Variants in LRRC27 observed in about 807,000 individuals in gnomAD.
The protein encoded by LRRC27 is leucine-rich repeat-containing protein 27.
A neutral mutation model predicts 55.0 loss-of-function variants in LRRC27; 57 were observed. The ratio of observed to expected loss-of-function variants is 1.04; its 90% CI spans 0.84 to 1.29. The LOEUF (loss-of-function observed/expected upper bound fraction) is 1.29, where lower values mean the gene tolerates loss of function less well. LRRC27 is among the 50% of genes most tolerant of loss of function. The pLI is 0.00. For synonymous variants in LRRC27, 278 were observed against 251.9 expected, an observed-to-expected ratio of 1.10 and a Z score of -0.98; for missense variants, 721 against 651.5, an observed-to-expected ratio of 1.11 and a Z score of -1.16.
chr10:132,344,790 T>C (rs1430942007), intron 5 of LRRC27, 140 bp downstream of exon 5: 2 of 831,912 alleles, frequency 2.4e-6, no homozygotes, highest in Non-Finnish European at 3.6e-6. Flanking sequence ...TGACACAGTG[T>C]ACACTGATCT....
At chr10:132,331,837 C>A (rs964298909), upstream of LRRC27, 1 of 1,495,940 alleles carries the variant, frequency 6.7e-7, no homozygotes, top group Non-Finnish European at 9.0e-7. Context: ...GCCGCGGGCG[C>A]GGAAAAACGG....
intron 8 of LRRC27, among the ~76,000 whole-genome samples, chr10:132,360,883 C>T (rs988083676): frequency 6.6e-6 from 1 of 152,230 alleles, no homozygotes; most frequent in African/African-American, 2.4e-5. Context: ...GGCACCCGCA[C>T]AGGCCCAAAG....
At chr10:132,373,371 G>A (rs2069260788) in intron 10 of LRRC27, among the ~76,000 whole-genome samples, 2 of 152,114 alleles carry the variant, frequency 1.3e-5, no homozygotes, top group South Asian at 2.1e-4. Context: ...AGGAACCAAC[G>A]TGCTTCCTGC....
intron 7 of LRRC27, among the ~76,000 whole-genome samples, chr10:132,352,047 C>CAGG (rs2068045950): frequency 7.0e-5 from 9 of 129,436 alleles, no homozygotes; most frequent in Admixed American, 2.2e-4. Flanking sequence ...GGGGCAGGCG[C>CAGG]TGAGGCCTCC....
Position 132,381,001 on chromosome 10 carries a change from A to G in LRRC27, c.*5759A>G, listed in dbSNP as rs2069404460. On this transcript the variant is annotated 3_prime_UTR_variant, in exon 11 of 11. Transcript: ENST00000368614. The stretch of plus-strand genomic sequence containing the variant: ...TTGGGAATGCAGCTTTTATGTGGGT[A>G]TAGGATTGCTGTGTGTGATGGTTCA... 1.3e-5 allele frequency among the ~76,000 whole-genome samples: 2 copies of G among 152,218 alleles called. No individual in the cohort carries two copies. The highest frequency in any genetic ancestry group is 4.8e-5 in the African/African-American group (2 of 41,460).
At position 132,333,568 on chromosome 10, in the gene LRRC27, C is replaced by A; in HGVS notation, c.44C>A (p.Ala15Asp). The part of the protein sequence containing the change: ...SSYEVPSVAA[A>D]DLEEGAGQTR... Reference sequence around the variant, plus strand: ...TACGAAGTTCCCTCTGTGGCTGCTGCTGATCTGGAGGAGGGTGCTGGTCAG... The same window carrying A: ...TACGAAGTTCCCTCTGTGGCTGCTGATGATCTGGAGGAGGGTGCTGGTCAG... Residue 15 changes from alanine (A) to aspartate (D), a missense_variant, in exon 2 of 11, where the codon GCT (alanine) becomes GAT (aspartate). Physicochemically the swap from Ala to Asp is moderately radical, Grantham distance 126 (BLOSUM62 -2). Transcript: ENST00000368614. 6.2e-7 allele frequency: 1 copy of A among 1,610,866 alleles called. No individual in the cohort carries two copies. Among genetic ancestry groups the A allele is most frequent in the Non-Finnish European group, 8.5e-7 (1 of 1,179,132 alleles).
upstream of LRRC27, chr10:132,331,294 C>T (rs2066717492): frequency 1.3e-6 from 1 of 761,312 alleles, no homozygotes; most frequent in South Asian, 1.9e-5. Context: ...ACAGAGGGTG[C>T]TACTTTTCAT....
In LRRC27 at chr10:132,348,911, CT is replaced by C; in HGVS notation, c.926+558del. 7.2e-7 allele frequency: 1 copy of C among 1,386,232 alleles called. No individual in the cohort carries two copies. 85.9% of individuals were successfully genotyped at this position (1,386,232 alleles called of 1,614,324 possible). The stretch of plus-strand genomic sequence containing the variant: ...GCCCACTTCCAAAGCTTGCCTTTGC[CT>C]TTGGTACAGTGAGTTTGGGGGCCGA... On this transcript the variant is annotated intron_variant, in intron 6 of 10. Transcript: ENST00000368614. This position sits in a 1 kb window ranked among gnomAD's most constrained non-coding sequence, Gnocchi z 4.2.
chr10:132,335,055 G>A (rs1213481592), intron 2 of LRRC27: 2 of 152,238 alleles, frequency 1.3e-5, no homozygotes, highest in Non-Finnish European at 2.9e-5. Context: ...TAATAGGAAA[G>A]ATGGAATTTG....
chr10:132,346,615 A>AGAT (rs1265048929), intron 5 of LRRC27, among the ~76,000 whole-genome samples: 23 of 152,166 alleles, frequency 1.5e-4, no homozygotes, highest in Non-Finnish European at 3.1e-4. Context: ...GGCGGAGCCA[A>AGAT]GATGGTGTCA....
In LRRC27 at chr10:132,378,636, G is replaced by C. The variant is rs748419545; in HGVS notation, c.*3394G>C. 6.6e-6 allele frequency: 1 copy of C among 152,192 alleles called. No homozygotes were observed. Among genetic ancestry groups the C allele is most frequent in the Non-Finnish European group, 1.5e-5 (1 of 68,062 alleles). The allele number at this position is 152,192 out of a possible 1,614,324, so 9.4% of individuals were successfully genotyped here. On this transcript the variant is annotated 3_prime_UTR_variant, in exon 11 of 11. Coordinates refer to ENST00000368614, the MANE Select transcript of LRRC27 (RefSeq NM_030626.3). ...GATGCCTCCTGTCTACGTGGTTTTA[G>C]ATTTACGAATCCTGTCTTCTGTTGT... is the stretch of plus-strand genomic sequence containing the variant.
At chr10:132,349,016 G>A (rs372811294) in intron 6 of LRRC27, 224 of 1,611,198 alleles carry the variant, frequency 1.4e-4, no homozygotes, top group Non-Finnish European at 1.7e-4. Context: ...AGAAAAACTC[G>A]AATCATGGGC....
intron 3 of LRRC27, among the ~76,000 whole-genome samples, chr10:132,339,521 G>A (rs1051983181): frequency 6.6e-6 from 1 of 152,168 alleles, no homozygotes; most frequent in African/African-American, 2.4e-5. Flanking sequence ...AGAGTGTTCC[G>A]GGGCTCAGCT....
intron 4 of LRRC27, among the ~76,000 whole-genome samples, chr10:132,344,090 C>T (rs1183168948): frequency 6.6e-6 from 1 of 152,238 alleles, no homozygotes; most frequent in Non-Finnish European, 1.5e-5. Flanking sequence ...AACCCAACAT[C>T]TGGGCCTCCT....
intron 7 of LRRC27, 94 bp downstream of exon 7, chr10:132,351,847 T>TGGCGCCATC: frequency 7.2e-7 from 1 of 1,386,006 alleles, no homozygotes; most frequent in Non-Finnish European, 9.8e-7. Flanking sequence ...CGTGGAAGTG[T>TGGCGCCATC]TTAGTTAGTT....
chr10:132,354,390 T>C (rs2068210651), intron 7 of LRRC27, among the ~76,000 whole-genome samples: 1 of 152,082 alleles, frequency 6.6e-6, no homozygotes, highest in South Asian at 2.1e-4. Context: ...TCCCAAGGTG[T>C]GACCAGAAGA....
At chr10:132,330,529 AGACAGGGTCTCGCTG>A (rs1163331457), upstream of LRRC27, 1 of 716,342 alleles carries the variant, frequency 1.4e-6, no homozygotes, top group East Asian at 2.7e-5. Context: ...TTTTTTTTTG[AGACAGGGTCTCGCTG>A]TCACCGAAGC....
intron 5 of LRRC27, among the ~76,000 whole-genome samples, chr10:132,347,655 G>A (rs1017060144): frequency 6.6e-6 from 1 of 150,690 alleles, no homozygotes; most frequent in Non-Finnish European, 1.5e-5. Flanking sequence ...GCCTGGTGGG[G>A]CCTGCAGGGG....
At chr10:132,357,016 G>A (rs780871730) in intron 8 of LRRC27, among the ~76,000 whole-genome samples, 2 of 152,264 alleles carry the variant, frequency 1.3e-5, no homozygotes, top group African/African-American at 4.8e-5. Context: ...GCCTGCAGGC[G>A]TGGACTGCTT....
Sources: gnomAD v4.1 joint callset for allele counts (sites outside exome capture counted in the v4.1 genomes callset) on GRCh38, gnomAD v4.1.1 for gene constraint, Gnocchi (gnomAD v3.1) non-coding constraint, MANE v1.5 for transcripts, NCBI Gene and HGNC (gene_info 2026-07-23, HGNC 2026-07-21) for gene names.